GRIA1: variants seen among roughly 807,000 people sequenced by gnomAD.
The protein encoded by GRIA1 is glutamate receptor 1.
In GRIA1, 31 loss-of-function variants were observed where a neutral mutation model predicts 99.2. The observed-to-expected ratio is 0.31, with a 90% confidence interval of 0.23 to 0.42. The LOEUF (loss-of-function observed/expected upper bound fraction) is 0.42, where lower values mean the gene tolerates loss of function less well. Among genes scored for constraint, GRIA1 ranks in the 10% least tolerant of loss-of-function variants. The probability of loss-of-function intolerance (pLI) is 1.00; values close to 1 mark genes in which losing one functional copy is unlikely to be tolerated. For missense variants in GRIA1, 782 were observed against 1,157.5 expected (o/e 0.68, Z 4.71); for synonymous variants, 438 against 432.4 (o/e 1.01, Z -0.16).
chr5:153,658,381 C>T (rs1438365369), intron 5 of GRIA1, among the ~76,000 whole-genome samples: 1 of 152,152 alleles, frequency 6.6e-6, no homozygotes, highest in African/African-American at 2.4e-5. Context: ...ATCACCAAGT[C>T]AGCCTCTTGG....
Position 153,625,539 on chromosome 5 carries a change from C to T in GRIA1, c.221-21389C>T, listed in dbSNP as rs115392625. ...GCTCTCTCTGATACCACGGCACTCACGGGCAAAGGGAGAGTGGGATGAGAA... is the reference window on the plus strand; with the variant it reads ...GCTCTCTCTGATACCACGGCACTCATGGGCAAAGGGAGAGTGGGATGAGAA... On this transcript the variant is annotated intron_variant, in intron 2 of 15. Coordinates refer to ENST00000285900, the MANE Select transcript of GRIA1 (RefSeq NM_000827.4). 5.5e-3 allele frequency among the ~76,000 whole-genome samples: 844 copies of T among 152,242 alleles called. 10 individuals carry two copies. The highest frequency in any genetic ancestry group is 0.02 in the African/African-American group (819 of 41,534).
chr5:153,624,642 A>G (rs1581353849), intron 2 of GRIA1, among the ~76,000 whole-genome samples: 1 of 152,332 alleles, frequency 6.6e-6, no homozygotes, highest in East Asian at 1.9e-4. Context: ...TGTACATTTT[A>G]CAGGTTATTT....
chr5:153,759,430 C>T (rs1310122296), intron 11 of GRIA1, among the ~76,000 whole-genome samples: 5 of 151,706 alleles, frequency 3.3e-5, no homozygotes, highest in Non-Finnish European at 7.4e-5. Flanking sequence ...GTTGTGATAA[C>T]TATACACAAC....
intron 2 of GRIA1, among the ~76,000 whole-genome samples, chr5:153,543,357 G>A (rs1446992886): frequency 2.0e-5 from 3 of 152,210 alleles, no homozygotes; most frequent in African/African-American, 7.2e-5. Context: ...TATATACAAG[G>A]CATGGTACTA....
At chr5:153,707,171 A>T (rs1358678141) in intron 11 of GRIA1, among the ~76,000 whole-genome samples, 1 of 152,120 alleles carries the variant, frequency 6.6e-6, no homozygotes, top group South Asian at 2.1e-4. Flanking sequence ...CAGATATCAC[A>T]TTGAAAGCAC....
chr5:153,545,622 G>C (rs2113514343), intron 2 of GRIA1, among the ~76,000 whole-genome samples: 1 of 152,274 alleles, frequency 6.6e-6, no homozygotes, highest in Non-Finnish European at 1.5e-5. Context: ...TGCATGCTAA[G>C]CTTGGCATGC....
chr5:153,492,105 A>C (rs1054661913), intron 1 of GRIA1: 1 of 1,416,822 alleles, frequency 7.1e-7, no homozygotes, highest in Admixed American at 2.4e-5. Flanking sequence ...AGATAGCTCC[A>C]CTAGGGAAAG....
At chr5:153,598,061 A>G (rs1764577397) in intron 2 of GRIA1, among the ~76,000 whole-genome samples, 3 of 152,128 alleles carry the variant, frequency 2.0e-5, no homozygotes, top group African/African-American at 7.2e-5. Context: ...ATGACATGTA[A>G]ATAACAGATT....
intron 2 of GRIA1, among the ~76,000 whole-genome samples, chr5:153,632,364 C>T (rs551797660): frequency 5.1e-4 from 78 of 152,278 alleles, no homozygotes; most frequent in African/African-American, 1.8e-3. Flanking sequence ...ATCTGCATGA[C>T]CAAACTTACA....
rs927455789 is a variant in GRIA1, at chr5:153,813,210, T to C, written c.*1985T>C. 1 of 152,258 alleles carries C rather than the reference T, an allele frequency of 6.6e-6. No individual in the cohort carries two copies. Among genetic ancestry groups the C allele is most frequent in the Non-Finnish European group, 1.5e-5 (1 of 68,060 alleles). 9.4% of individuals were successfully genotyped at this position (152,258 alleles called of 1,614,324 possible). A position where few individuals can be genotyped will look rare whatever the true frequency, so the allele number is the denominator to read the frequency against. On this transcript the variant is annotated 3_prime_UTR_variant, in exon 16 of 16. Transcript: ENST00000285900. ...AAGATGGATGATTGCTTTTAACTAC[T>C]GCCAGCTGATGTCTCTCAGCCCCTG...
At chr5:153,510,152 C>T (rs952520192) in intron 2 of GRIA1, among the ~76,000 whole-genome samples, 1 of 152,138 alleles carries the variant, frequency 6.6e-6, no homozygotes, top group Non-Finnish European at 1.5e-5. Context: ...AAATTTAAAT[C>T]TGGTCCTGCA....
chr5:153,493,113 G>A (rs375841450), intron 1 of GRIA1, among the ~76,000 whole-genome samples: 24 of 152,240 alleles, frequency 1.6e-4, no homozygotes, highest in South Asian at 4.2e-4. Flanking sequence ...TTGTTTCTCG[G>A]AACAGGCATC....
At chr5:153,707,818 T>C (rs1286754928) in intron 11 of GRIA1, among the ~76,000 whole-genome samples, 1 of 121,684 alleles carries the variant, frequency 8.2e-6, no homozygotes, top group African/African-American at 3.2e-5. Flanking sequence ...AAGAAGACAG[T>C]GGGGGGTGGG....
chr5:153,546,645 T>C (rs998129005), intron 2 of GRIA1, among the ~76,000 whole-genome samples: 2 of 152,176 alleles, frequency 1.3e-5, no homozygotes, highest in Non-Finnish European at 2.9e-5. Flanking sequence ...GTTTGATAAT[T>C]GGCCCAAGGA....
intron 5 of GRIA1, among the ~76,000 whole-genome samples, chr5:153,660,773 G>A (rs574578939): frequency 1.3e-5 from 2 of 152,254 alleles, no homozygotes; most frequent in Admixed American, 1.3e-4. Context: ...GAGGTCCACA[G>A]GTCCTCTGTT....
chr5:153,724,485 G>A (rs1561802511), intron 11 of GRIA1, among the ~76,000 whole-genome samples: 2 of 152,166 alleles, frequency 1.3e-5, no homozygotes, highest in Admixed American at 1.3e-4. Context: ...AGGCAAAGAA[G>A]TTGAAAACTT....
At chr5:153,700,726 T>C (rs1322728687) in intron 10 of GRIA1, among the ~76,000 whole-genome samples, 1 of 152,144 alleles carries the variant, frequency 6.6e-6, no homozygotes, top group Non-Finnish European at 1.5e-5. Flanking sequence ...CCCAGGTCAA[T>C]GTTAAGTGCT....
intron 10 of GRIA1, 129 bp from the exon 11 acceptor site, chr5:153,705,568 G>A (rs1758828220): frequency 6.5e-6 from 8 of 1,238,530 alleles, no homozygotes; most frequent in Middle Eastern, 2.8e-4. Flanking sequence ...GACTTCAAAG[G>A]TTCTTTCCCA....
At chr5:153,494,353 T>C (rs1440185299) in intron 2 of GRIA1, 2 of 366,554 alleles carry the variant, frequency 5.5e-6, no homozygotes, top group Non-Finnish European at 1.0e-5. Flanking sequence ...GCAGAGGTTT[T>C]CTGGCACAGC....
Sources: gnomAD v4.1 joint callset for allele counts (sites outside exome capture counted in the v4.1 genomes callset) on GRCh38, gnomAD v4.1.1 for gene constraint, MANE v1.5 for transcripts, NCBI Gene and HGNC (gene_info 2026-07-23, HGNC 2026-07-21) for gene names.